RBL1: variants seen among roughly 807,000 people sequenced by gnomAD.
The protein encoded by RBL1 is retinoblastoma-like protein 1.
In RBL1, 82 loss-of-function variants were observed where a neutral mutation model predicts 123.0. The ratio of observed to expected loss-of-function variants is 0.67; its 90% CI spans 0.56 to 0.80. RBL1 has a LOEUF of 0.80. Among genes scored for constraint, RBL1 ranks in the 30% least tolerant of loss-of-function variants. The probability of loss-of-function intolerance (pLI) is 0.00; values close to 1 mark genes in which losing one functional copy is unlikely to be tolerated. For synonymous variants in RBL1, 405 were observed against 441.3 expected (o/e 0.92, Z 1.03); for missense variants, 1,171 against 1,299.6 (o/e 0.90, Z 1.52).
intron 11 of RBL1, among the ~76,000 whole-genome samples, chr20:37,052,729 C>T (rs888493261): frequency 2.0e-5 from 3 of 152,018 alleles, no homozygotes; most frequent in East Asian, 1.9e-4. Flanking sequence ...AGGCTGGTCT[C>T]GAACTCCTGA....
intron 10 of RBL1, among the ~76,000 whole-genome samples, 198 bp downstream of exon 10, chr20:37,055,948 G>A (rs776357656): frequency 6.6e-6 from 1 of 151,904 alleles, no homozygotes; most frequent in Non-Finnish European, 1.5e-5. Flanking sequence ...TTGGGAGGCT[G>A]AGGCAGGAGA....
intron 16 of RBL1, among the ~76,000 whole-genome samples, chr20:37,027,026 CA>C (rs376277656): frequency 6.9e-6 from 1 of 145,552 alleles, no homozygotes; most frequent in Non-Finnish European, 1.5e-5. Flanking sequence ...AAAAAAACAA[CA>C]AAAAAAAACC....
At position 36,998,919 on chromosome 20, in the gene RBL1, T is replaced by C; in HGVS notation, c.3047A>G (p.Asp1016Gly). 1 of 1,610,932 alleles carries C rather than the reference T, an allele frequency of 6.2e-7. No individual in the cohort carries two copies. The highest frequency in any genetic ancestry group is 8.5e-7 in the Non-Finnish European group (1 of 1,178,776). ...FNGSPSKSLK[D>G]INNMIRQGEQ... ...ACCTTGCCTTATCATGTTGTTGATATCTTTCAAACTCTGTGCAGAAATAGA... is the reference window on the plus strand; with the variant it reads ...ACCTTGCCTTATCATGTTGTTGATACCTTTCAAACTCTGTGCAGAAATAGA... The change falls in exon 22 of 22, where the codon GAT (aspartate) becomes GGT (glycine). Residue 1016 changes from aspartate (D) to glycine (G), a missense_variant. Transcript: ENST00000373664.
chr20:37,036,074 G>T (rs2064606050), intron 14 of RBL1, among the ~76,000 whole-genome samples: 1 of 152,094 alleles, frequency 6.6e-6, no homozygotes, highest in South Asian at 2.1e-4. Flanking sequence ...GTACTGTGTT[G>T]ATCAAAAATA....
chr20:37,063,023 G>T (rs1229735375), intron 7 of RBL1, among the ~76,000 whole-genome samples: 1 of 152,172 alleles, frequency 6.6e-6, no homozygotes, highest in Non-Finnish European at 1.5e-5. Flanking sequence ...ATTAATGAAA[G>T]AATGTAAAAT....
chr20:37,042,867 C>T (rs2064750849), intron 13 of RBL1, among the ~76,000 whole-genome samples: 1 of 145,336 alleles, frequency 6.9e-6, no homozygotes, highest in Non-Finnish European at 1.5e-5. Context: ...CCACTGCACT[C>T]CAGCCTGGGT....
chr20:37,026,869 G>A (rs1237790181), intron 16 of RBL1, among the ~76,000 whole-genome samples: 2 of 151,428 alleles, frequency 1.3e-5, no homozygotes, highest in Non-Finnish European at 2.9e-5. Flanking sequence ...TGGGCATGGT[G>A]GTGCGTCCCT....
At chr20:37,087,333 CAAA>C (rs79340550) in intron 2 of RBL1, among the ~76,000 whole-genome samples, 2 of 135,178 alleles carry the variant, frequency 1.5e-5, no homozygotes, top group African/African-American at 2.7e-5. Context: ...GACTCTGTCC[CAAA>C]AAAAAAAAAG....
intron 1 of RBL1, among the ~76,000 whole-genome samples, chr20:37,092,943 C>G (rs1234669988): frequency 6.6e-6 from 1 of 151,952 alleles, no homozygotes; most frequent in Non-Finnish European, 1.5e-5. Context: ...ACTTGCCAGG[C>G]CTTAGAAATA....
chr20:37,027,778 G>A (rs543719803), intron 16 of RBL1, among the ~76,000 whole-genome samples: 3 of 152,156 alleles, frequency 2.0e-5, no homozygotes, highest in Admixed American at 6.5e-5. Flanking sequence ...TTTTGGAGAC[G>A]GGATCTTACT....
chr20:37,073,778 G>A (rs1419403736), intron 2 of RBL1, among the ~76,000 whole-genome samples: 1 of 151,130 alleles, frequency 6.6e-6, no homozygotes, highest in Non-Finnish European at 1.5e-5. Flanking sequence ...CAGCTACTCA[G>A]GAGTCTTAGG....
intron 11 of RBL1, chr20:37,049,299 A>C: frequency 4.8e-6 from 3 of 629,998 alleles, no homozygotes; most frequent in Non-Finnish European, 8.6e-6. Context: ...CATCACCCTC[A>C]AGGTTGAACC....
chr20:37,046,698 T>A (rs2146270524), intron 12 of RBL1, among the ~76,000 whole-genome samples: 1 of 151,504 alleles, frequency 6.6e-6, no homozygotes, highest in South Asian at 2.1e-4. Context: ...AACCTCCACC[T>A]CCCAGGTTAA....
intron 2 of RBL1, among the ~76,000 whole-genome samples, chr20:37,083,368 C>T (rs1291005567): frequency 6.6e-6 from 1 of 151,460 alleles, no homozygotes; most frequent in Admixed American, 6.6e-5. Context: ...CTCAGGAGGG[C>T]GTGGTGGGAG....
At chr20:36,998,997 T>G (rs550072885) in intron 21 of RBL1, 68 bp from the exon 22 acceptor site, 1 of 1,465,074 alleles carries the variant, frequency 6.8e-7, no homozygotes, top group East Asian at 2.3e-5. Context: ...ACAACCAAGC[T>G]AATTGTTTTT....
chr20:37,068,682 C>T (rs963557065), intron 2 of RBL1, among the ~76,000 whole-genome samples: 1 of 152,106 alleles, frequency 6.6e-6, no homozygotes, highest in African/African-American at 2.4e-5. Context: ...ATTACCTAGA[C>T]AATATTTTGC....
At chr20:37,028,321 C>T (rs969490206) in intron 16 of RBL1, among the ~76,000 whole-genome samples, 3 of 152,196 alleles carry the variant, frequency 2.0e-5, no homozygotes, top group East Asian at 3.9e-4. Flanking sequence ...GCCGAGATCA[C>T]GCTACTGCAT....
At chr20:37,032,317 AAAAC>A (rs1479164210) in intron 16 of RBL1, among the ~76,000 whole-genome samples, 7 of 152,216 alleles carry the variant, frequency 4.6e-5, no homozygotes, top group African/African-American at 1.7e-4. Flanking sequence ...GCCAGTCACA[AAAAC>A]AAACAAATAT....
intron 2 of RBL1, among the ~76,000 whole-genome samples, chr20:37,075,881 C>T (rs576746654): frequency 1.3e-5 from 2 of 152,120 alleles, no homozygotes; most frequent in Non-Finnish European, 2.9e-5. Context: ...AAAATACAGG[C>T]AAAAATACAA....
Sources: allele counts gnomAD v4.1 joint callset (sites outside exome capture counted in the v4.1 genomes callset), GRCh38; gene constraint gnomAD v4.1.1; transcripts MANE v1.5; gene names NCBI Gene and HGNC (gene_info 2026-07-23, HGNC 2026-07-21).